The following JPT2 variants were observed in gnomAD, a reference collection of about 807,000 sequenced individuals.
JPT2 encodes CRAMP_1 like.
Under a neutral mutation model 15.9 loss-of-function variants are expected in JPT2, and 9 were observed. The ratio of observed to expected loss-of-function variants is 0.57; its 90% confidence interval spans 0.34 to 0.99. JPT2 has a LOEUF of 0.99. Among genes scored for constraint, JPT2 ranks in the 50% least tolerant of loss-of-function variants. JPT2 has a pLI of 0.02. For synonymous variants in JPT2, 95 were observed against 91.7 expected (o/e 1.04, Z -0.21); for missense variants, 267 against 252.1 (o/e 1.06, Z -0.40).
At chr16:1,683,411 A>G (rs991573702) in intron 1 of JPT2, 6 of 678,838 alleles carry the variant, frequency 8.8e-6, no homozygotes, top group Non-Finnish European at 1.3e-5. Context: ...GCTCCCGGAC[A>G]GCCCTTTCTC....
chr16:1,699,155 G>A lies in JPT2; in HGVS notation c.*157G>A, dbSNP rs1374440251. ...CTCCTGGCCGTCATGACAGCTGCTT[G>A]GAGACCCGTGCCTTCCAGATGGCTG... is the stretch of plus-strand genomic sequence containing the variant. On this transcript the variant is annotated 3_prime_UTR_variant, in exon 5 of 5. Transcript: ENST00000248098. 1.4e-5 allele frequency: 11 copies of A among 784,060 alleles called. No individual in the cohort carries two copies. Among genetic ancestry groups the A allele is most frequent in the East Asian group, 2.6e-5 (1 of 37,756 alleles). 48.6% of individuals were successfully genotyped at this position (784,060 alleles called of 1,614,324 possible).
intron 3 of JPT2, among the ~76,000 whole-genome samples, chr16:1,693,221 C>G (rs191087377): frequency 4.6e-5 from 7 of 152,124 alleles, no homozygotes; most frequent in Non-Finnish European, 1.0e-4. Flanking sequence ...CTCAGCGTCC[C>G]GAGTAGCCAG....
At chr16:1,686,863 C>T (rs553078507) in intron 2 of JPT2, 1 of 152,308 alleles carries the variant, frequency 6.6e-6, no homozygotes, top group African/African-American at 2.4e-5. Flanking sequence ...GTCACTGTGT[C>T]AGGCAGGTCA....
At chr16:1,697,932 TGG>T in intron 4 of JPT2, 72 bp downstream of exon 4, 1 of 1,403,398 alleles carries the variant, frequency 7.1e-7, no homozygotes. Flanking sequence ...GTCTCTCCTC[TGG>T]GAATGAAAAG....
chr16:1,684,910 CAAA>C (rs552406058), intron 1 of JPT2, among the ~76,000 whole-genome samples: 11 of 75,254 alleles, frequency 1.5e-4, no homozygotes, highest in Non-Finnish European at 1.9e-4. Context: ...GACTCCATCT[CAAA>C]AAAAAAAAAA....
intron 1 of JPT2, chr16:1,683,658 C>G: frequency 3.6e-6 from 4 of 1,121,940 alleles, no homozygotes; most frequent in Non-Finnish European, 5.2e-6. Context: ...CAGGCGGAGA[C>G]TGAAGCACTC....
chr16:1,683,693 A>AAG, intron 1 of JPT2: 5 of 811,044 alleles, frequency 6.2e-6, no homozygotes, highest in Non-Finnish European at 8.0e-6. Flanking sequence ...TTATAGCAGG[A>AAG]GATCTGAGAA....
At position 1,699,693 on chromosome 16, in the gene JPT2, C is replaced by G; in HGVS notation, c.*695C>G. ...TGTTGGAATCTGCCTGTCTTTCACA[C>G]AGGGCTGGTCTTGGTCCTTTACATG... On this transcript the variant is annotated 3_prime_UTR_variant, in exon 5 of 5. Coordinates refer to ENST00000248098, the MANE Select transcript of JPT2 (RefSeq NM_144570.3). 4.0e-6 allele frequency: 1 copy of G among 250,116 alleles called. No homozygotes were observed. Among genetic ancestry groups the G allele is most frequent in the South Asian group, 5.0e-5 (1 of 19,962 alleles). 15.5% of individuals were successfully genotyped at this position (250,116 alleles called of 1,614,324 possible). A position where few individuals can be genotyped will look rare whatever the true frequency, so the allele number is the denominator to read the frequency against.
At chr16:1,687,072 T>G (rs1033277885) in intron 2 of JPT2, among the ~76,000 whole-genome samples, 5 of 152,212 alleles carry the variant, frequency 3.3e-5, no homozygotes, top group African/African-American at 1.2e-4. Context: ...AGCCTTGACT[T>G]CCCAGGCTCA....
At chr16:1,678,878 C>T (rs76738816) in intron 1 of JPT2, among the ~76,000 whole-genome samples, 1 of 152,146 alleles carries the variant, frequency 6.6e-6, no homozygotes, top group Non-Finnish European at 1.5e-5. Flanking sequence ...GTGTGTGTGG[C>T]CTGTGCCCTG....
chr16:1,678,847 C>T (rs1201301962), intron 1 of JPT2, among the ~76,000 whole-genome samples: 1 of 152,298 alleles, frequency 6.6e-6, no homozygotes, highest in East Asian at 1.9e-4. Context: ...GTGCGTGTGG[C>T]CGTGTGCCCG....
At chr16:1,682,402 T>C (rs981441666) in intron 1 of JPT2, among the ~76,000 whole-genome samples, 2 of 151,548 alleles carry the variant, frequency 1.3e-5, no homozygotes, top group African/African-American at 4.9e-5. Context: ...CCGGACACAG[T>C]GGCTCATGCC....
intron 1 of JPT2, among the ~76,000 whole-genome samples, chr16:1,684,175 A>G (rs2037046388): frequency 6.6e-6 from 1 of 152,206 alleles, no homozygotes; most frequent in African/African-American, 2.4e-5. Context: ...GGTTGAATCC[A>G]TGGAAGCAGA....
At chr16:1,696,150 A>G (rs1338710580) in intron 3 of JPT2, among the ~76,000 whole-genome samples, 1 of 152,002 alleles carries the variant, frequency 6.6e-6, no homozygotes, top group Non-Finnish European at 1.5e-5. Flanking sequence ...AATCAACTGA[A>G]CCTGGGAGGC....
Position 1,699,175 on chromosome 16 carries a change from T to A in JPT2, c.*177T>A, listed in dbSNP as rs1238068359. 6 of 689,980 alleles carry A rather than the reference T, an allele frequency of 8.7e-6. No homozygotes were observed. The Admixed American group carries it at 1.0e-4, about 12-fold the overall frequency. 42.7% of individuals were successfully genotyped at this position (689,980 alleles called of 1,614,324 possible). On this transcript the variant is annotated 3_prime_UTR_variant, in exon 5 of 5. Coordinates refer to ENST00000248098, the MANE Select transcript of JPT2 (RefSeq NM_144570.3). ...TGCTTGGAGACCCGTGCCTTCCAGA[T>A]GGCTGGGAGATGCCTCTGTGGGGAT...
At chr16:1,686,372 CA>C (rs1214089961) in intron 2 of JPT2, 62 of 118,196 alleles carry the variant, frequency 5.2e-4, no homozygotes, top group East Asian at 7.1e-4. Flanking sequence ...GACTCCGTCT[CA>C]AAAAAAAAAA....
chr16:1,678,436 C>A, intron 1 of JPT2, 80 bp downstream of exon 1: 2 of 1,156,650 alleles, frequency 1.7e-6, no homozygotes, highest in Non-Finnish European at 2.2e-6. Flanking sequence ...CGTCCACCAG[C>A]CGTGTGGGGT....
At chr16:1,697,941 A>G in intron 4 of JPT2, 81 bp downstream of exon 4, 2 of 1,312,448 alleles carry the variant, frequency 1.5e-6, no homozygotes, top group Admixed American at 1.8e-5. Flanking sequence ...CTGGGAATGA[A>G]AAGGAGTCTT....
At chr16:1,697,476 G>A (rs1024948691) in intron 3 of JPT2, among the ~76,000 whole-genome samples, 8 of 150,670 alleles carry the variant, frequency 5.3e-5, no homozygotes, top group Non-Finnish European at 1.0e-4. Context: ...TCATGCCACC[G>A]CACTCTAGCC....
Sources: allele counts gnomAD v4.1 joint callset (sites outside exome capture counted in the v4.1 genomes callset), GRCh38; gene constraint gnomAD v4.1.1; transcripts MANE v1.5; gene names NCBI Gene and HGNC (gene_info 2026-07-23, HGNC 2026-07-21).